The following VPS45 variants were observed in gnomAD, a reference collection of about 807,000 sequenced individuals.
The protein encoded by VPS45 is vacuolar protein sorting 45 homolog, also known as vacuolar protein sorting-associated protein 45.
In VPS45, 35 loss-of-function variants were observed where a neutral mutation model predicts 75.9. The ratio of observed to expected loss-of-function variants is 0.46; its 90% CI spans 0.35 to 0.61. The LOEUF is 0.61. Ranked by LOEUF, VPS45 falls within the 20% of genes least tolerant of loss-of-function variation. The pLI, the probability that VPS45 is intolerant of heterozygous loss-of-function variation, is 0.00. For missense variants in VPS45, 559 were observed against 685.9 expected (o/e 0.81, Z 2.07); for synonymous variants, 220 against 238.2 (o/e 0.92, Z 0.70).
At chr1:150,126,562 A>G (rs1348034404) in intron 14 of VPS45, among the ~76,000 whole-genome samples, 1 of 152,114 alleles carries the variant, frequency 6.6e-6, no homozygotes, top group Non-Finnish European at 1.5e-5. Context: ...AATGTTCTAT[A>G]TCTTGATTGA....
At chr1:150,068,254 C>T in intron 1 of VPS45, 2 of 415,136 alleles carry the variant, frequency 4.8e-6, no homozygotes, top group Non-Finnish European at 8.6e-6. Context: ...GATGGGCCTA[C>T]TGTTTCCACT....
intron 14 of VPS45, among the ~76,000 whole-genome samples, chr1:150,137,478 A>T (rs1207730696): frequency 2.0e-5 from 3 of 152,218 alleles, no homozygotes; most frequent in African/African-American, 7.2e-5. Flanking sequence ...GTCATAGGGG[A>T]TGAATGCTCC....
At chr1:150,068,802 T>TG (rs1182392937) in intron 2 of VPS45, 38 bp downstream of exon 2, 2 of 1,527,928 alleles carry the variant, frequency 1.3e-6, no homozygotes, top group Admixed American at 4.2e-5. Flanking sequence ...CCCAGGCAGA[T>TG]GCAGAACACT....
At chr1:150,080,921 T>G (rs2101532406) in intron 7 of VPS45, among the ~76,000 whole-genome samples, 1 of 152,318 alleles carries the variant, frequency 6.6e-6, no homozygotes, top group East Asian at 1.9e-4. Flanking sequence ...CACTCAGATC[T>G]GCAAGAACAC....
intron 14 of VPS45, among the ~76,000 whole-genome samples, chr1:150,116,440 T>C (rs1553808319): frequency 6.6e-6 from 1 of 152,216 alleles, no homozygotes; most frequent in Non-Finnish European, 1.5e-5. Flanking sequence ...AATCCTCACA[T>C]AAAGTTTGTA....
At chr1:150,076,777 A>G in intron 4 of VPS45, 139 bp from the exon 5 acceptor site, 1 of 814,952 alleles carries the variant, frequency 1.2e-6, no homozygotes, top group Non-Finnish European at 2.0e-6. Context: ...TTACCCAATT[A>G]TTAATTGAAC....
rs75148447 is a variant in VPS45 at position 150,127,246 on chromosome 1, C to T, written c.1625+16619C>T. Among the ~76,000 whole-genome samples, 54 of 152,160 alleles carry T rather than the reference C, an allele frequency of 3.5e-4. 1 individual carries two copies. In the East Asian group the frequency reaches 0.01, roughly 29 times the overall value. On this transcript the variant is annotated intron_variant, in intron 14 of 14. Coordinates refer to ENST00000644510, the MANE Select transcript of VPS45 (RefSeq NM_007259.5). ...GTTTCATTTTACTTTTTTAATGTGG[C>T]CACGAGAACATTTGTGACTTGCACT... is the stretch of plus-strand genomic sequence containing the variant.
At chr1:150,088,434 A>AATATATATATATATATAT (rs200780573) in intron 10 of VPS45, among the ~76,000 whole-genome samples, 29 of 125,518 alleles carry the variant, frequency 2.3e-4, no homozygotes, top group African/African-American at 7.8e-4. Context: ...CTGAATAATA[A>AATATATATATATATATAT]ATATATATAT....
At chr1:150,111,290 G>C (rs1268932047) in intron 14 of VPS45, among the ~76,000 whole-genome samples, 2 of 152,152 alleles carry the variant, frequency 1.3e-5, no homozygotes, top group African/African-American at 4.8e-5. Context: ...CATATGGAGG[G>C]AGAGCACATT....
At position 150,110,489 on chromosome 1, in the gene VPS45, A is replaced by G. The variant is rs1435795274; in HGVS notation, c.1494-7A>G. The G allele has an allele frequency of 3.7e-5, 59 of 1,606,138 alleles. No homozygotes were observed. The highest frequency in any genetic ancestry group is 4.2e-5 in the Non-Finnish European group (49 of 1,175,604). ...CTGTGATAATATCTCATTCTTCATT[A>G]TTGCAGACCTCAGGATATCATTGTG... On this transcript the variant is annotated splice_region_variant and splice_polypyrimidine_tract_variant and intron_variant, in intron 13 of 14. Transcript: ENST00000644510.
chr1:150,080,382 G>GATCCACCCACCTCA (rs1655640831), intron 7 of VPS45, among the ~76,000 whole-genome samples: 5 of 152,038 alleles, frequency 3.3e-5, no homozygotes, highest in Admixed American at 3.3e-4. Flanking sequence ...GACCTTAAGT[G>GATCCACCCACCTCA]ATCCACCCAC....
intron 14 of VPS45, among the ~76,000 whole-genome samples, chr1:150,121,465 T>C (rs587633043): frequency 1.3e-5 from 2 of 152,360 alleles, no homozygotes; most frequent in South Asian, 2.1e-4. Context: ...GTGTACAGAC[T>C]GTTATCTCCT....
At chr1:150,139,551 A>G (rs1460277213) in intron 14 of VPS45, among the ~76,000 whole-genome samples, 1 of 146,724 alleles carries the variant, frequency 6.8e-6, no homozygotes, top group Non-Finnish European at 1.5e-5. Flanking sequence ...AACATTGATG[A>G]ACTCTCTTTT....
chr1:150,080,723 C>A (rs1272688672), intron 7 of VPS45, among the ~76,000 whole-genome samples: 5 of 152,154 alleles, frequency 3.3e-5, no homozygotes, highest in African/African-American at 1.2e-4. Flanking sequence ...TTGGAGATTT[C>A]TCATTTCCAG....
chr1:150,141,913 G>A (rs1164576417), intron 14 of VPS45, among the ~76,000 whole-genome samples: 2 of 152,096 alleles, frequency 1.3e-5, no homozygotes, highest in African/African-American at 2.4e-5. Context: ...AACGGAGAAG[G>A]GGATTTTTGA....
At chr1:150,097,260 A>G (rs1430220320) in intron 13 of VPS45, among the ~76,000 whole-genome samples, 1 of 150,556 alleles carries the variant, frequency 6.6e-6, no homozygotes, top group Admixed American at 6.6e-5. Flanking sequence ...TAATTTTTGT[A>G]TTTTTAGTAG....
At chr1:150,114,194 T>C (rs1266466851) in intron 14 of VPS45, among the ~76,000 whole-genome samples, 3 of 152,162 alleles carry the variant, frequency 2.0e-5, no homozygotes, top group African/African-American at 7.2e-5. Flanking sequence ...TAAAGAACAC[T>C]CTTGCCTGAA....
In VPS45 at chr1:150,144,933, G is replaced by T. The variant is rs587748728; in HGVS notation, c.*137G>T. 2.1e-5 allele frequency: 33 copies of T among 1,542,604 alleles called. No individual in the cohort carries two copies. The highest frequency in any genetic ancestry group is 2.8e-5 in the Non-Finnish European group (32 of 1,148,858). ...TCATCTCCAGGTAGCCCACGGATAC[G>T]TGGTTGGCACAGACACAAGACTCCC... On this transcript the variant is annotated 3_prime_UTR_variant, in exon 15 of 15. Transcript: ENST00000644510.
intron 14 of VPS45, among the ~76,000 whole-genome samples, chr1:150,133,411 G>A (rs782748766): frequency 4.6e-5 from 7 of 151,888 alleles, no homozygotes; most frequent in Non-Finnish European, 7.4e-5. Context: ...AAAATTAGCC[G>A]GGCGTGGTGG....
Sources: gnomAD v4.1 joint callset for allele counts (sites outside exome capture counted in the v4.1 genomes callset) on GRCh38, gnomAD v4.1.1 for gene constraint, MANE v1.5 for transcripts, NCBI Gene and HGNC (gene_info 2026-07-23, HGNC 2026-07-21) for gene names.